The following PWWP2A variants were observed in gnomAD, a reference collection of about 807,000 sequenced individuals.
PWWP2A encodes the protein PWWP domain containing 2A.
In PWWP2A, 18 loss-of-function variants were observed where a neutral mutation model predicts 48.5. The observed-to-expected ratio is 0.37, with a 90% CI of 0.26 to 0.55. The LOEUF is 0.55. Among genes scored for constraint, PWWP2A ranks in the 20% least tolerant of loss-of-function variants. The pLI, the probability that PWWP2A is intolerant of heterozygous loss-of-function variation, is 0.81. For missense variants in PWWP2A, 867 were observed against 976.4 expected (o/e 0.89, Z 1.49); for synonymous variants, 396 against 387.7 (o/e 1.02, Z -0.25).
chr5:160,073,836 G>A (rs991672339), downstream of PWWP2A, among the ~76,000 whole-genome samples: 11 of 151,410 alleles, frequency 7.3e-5, no homozygotes, highest in African/African-American at 2.7e-4. Context: ...AGGTCAAAGC[G>A]GGTGGATCAC....
intron 1 of PWWP2A, among the ~76,000 whole-genome samples, chr5:160,114,252 C>G (rs1207223525): frequency 6.6e-6 from 1 of 152,122 alleles, no homozygotes; most frequent in African/African-American, 2.4e-5. Flanking sequence ...GAGTTCAGAC[C>G]TGGCGCGGTG....
intron 1 of PWWP2A, among the ~76,000 whole-genome samples, chr5:160,113,629 C>T (rs1444843729): frequency 6.6e-6 from 1 of 152,230 alleles, no homozygotes; most frequent in Admixed American, 6.5e-5. Context: ...ACTAAAACTT[C>T]AGAGCTTACT....
chr5:160,112,126 CAAAAAAAAA>C lies in PWWP2A; in HGVS notation c.584+6670_584+6678del, dbSNP rs11480893. Among the ~76,000 whole-genome samples the C allele has an allele frequency of 5.5e-5, 5 of 90,880 alleles. No individual in the cohort carries two copies. In the East Asian group the frequency reaches 1.2e-3, roughly 22 times the overall value. 59.6% of individuals were successfully genotyped at this position (90,880 alleles called of 152,430 possible). A position where few individuals can be genotyped will look rare whatever the true frequency, so the allele number is the denominator to read the frequency against. ...TGGGTGACAGAGCAAGACCCTTTCT[CAAAAAAAAA>C]AAAAAAAAAAGGAAAAAAAGAAAAA... On this transcript the variant is annotated intron_variant, in intron 1 of 1. Coordinates refer to ENST00000307063, the MANE Select transcript of PWWP2A (RefSeq NM_001130864.2).
At chr5:160,062,701 G>A (rs1043743110) in intron 5 of PWWP2A, among the ~76,000 whole-genome samples, 3 of 152,160 alleles carry the variant, frequency 2.0e-5, no homozygotes, top group Non-Finnish European at 4.4e-5. Flanking sequence ...CCCTCCTCAG[G>A]AGTCTGATGT....
rs368647457 is a variant in PWWP2A at position 160,078,234 on chromosome 5, T to C, written c.1670-66A>G. On this transcript the variant is annotated intron_variant, in intron 3 of 3. Transcript: ENST00000456329. This position sits in a 1 kb window ranked among gnomAD's most constrained non-coding sequence, Gnocchi z 4.2. ...ACAAGTAATTATATGAGGAAAATGA[T>C]GTCCTTGTTGTTTAAGCCCTACATA... is the stretch of plus-strand genomic sequence containing the variant. The C allele has an allele frequency of 3.1e-6, 4 of 1,277,546 alleles. No individual in the cohort carries two copies. The South Asian group carries it at 3.8e-5, about 12-fold the overall frequency. The allele number at this position is 1,277,546 out of a possible 1,614,324, so 79.1% of individuals were successfully genotyped here. A position where few individuals can be genotyped will look rare whatever the true frequency, so the allele number is the denominator to read the frequency against.
chr5:160,049,375 T>C, the PWWP2A span: 2 of 738,670 alleles, frequency 2.7e-6, no homozygotes, highest in African/African-American at 1.8e-5. Context: ...AGAAAAAGTT[T>C]TCCAGCATCA....
chr5:160,053,934 T>A, the PWWP2A span, among the ~76,000 whole-genome samples: 1 of 152,192 alleles, frequency 6.6e-6, no homozygotes, highest in African/African-American at 2.4e-5. Flanking sequence ...TAGCCCATCA[T>A]TTATAATCTT....
Position 160,094,051 on chromosome 5 carries a change from C to T in PWWP2A, c.599G>A (p.Gly200Asp). The T allele has an allele frequency of 6.2e-7, 1 of 1,606,028 alleles. No homozygotes were observed. The highest frequency in any genetic ancestry group is 8.5e-7 in the Non-Finnish European group (1 of 1,174,274). Reference sequence around the variant, plus strand: ...TTTGGGAAATACTGTCACAGGGATACCATGGGGCCCAAACCTTTGAAAGAA... The same window carrying T: ...TTTGGGAAATACTGTCACAGGGATATCATGGGGCCCAAACCTTTGAAAGAA... ...MDLSKRFGPH[G>D]IPVTVFPKRE... Residue 200 changes from glycine to aspartate, a missense_variant, in exon 2 of 2, where the codon GGT (glycine) becomes GAT (aspartate). This residue lies in a region of PWWP2A where 385 missense variants were observed against 396.9 expected (regional missense o/e 0.97). Coordinates refer to ENST00000307063, the MANE Select transcript of PWWP2A (RefSeq NM_001130864.2).
At chr5:160,081,320 C>A (rs1226255376) in intron 2 of PWWP2A, among the ~76,000 whole-genome samples, 11 of 147,794 alleles carry the variant, frequency 7.4e-5, no homozygotes, top group African/African-American at 2.8e-4. Flanking sequence ...CTCACTGCAA[C>A]CTCCTCCTCC....
intron 1 of PWWP2A, among the ~76,000 whole-genome samples, chr5:160,097,987 T>C (rs546901091): frequency 1.3e-5 from 2 of 152,308 alleles, no homozygotes; most frequent in Non-Finnish European, 2.9e-5. Context: ...GTGCTGGGAT[T>C]ACAGGCGTGA....
rs1448620664 is a variant in PWWP2A at position 160,109,771 on chromosome 5, AAAAATATATATATAT to A, written c.584+9019_584+9033del. Reference sequence around the variant, plus strand: ...GATGCAACTGGGAAAAAAAAAAAAAAAAAATATATATATATATATATATATATATATATATATAAA... The same window carrying A: ...GATGCAACTGGGAAAAAAAAAAAAAAATATATATATATATATATATATAAA... On this transcript the variant is annotated intron_variant, in intron 1 of 1. Transcript: ENST00000307063. 2.1e-3 allele frequency among the ~76,000 whole-genome samples: 94 copies of A among 44,998 alleles called. 1 individual carries two copies. Among genetic ancestry groups the A allele is most frequent in the African/African-American group, 7.5e-3 (85 of 11,372 alleles). The allele number at this position is 44,998 out of a possible 152,430, so 29.5% of individuals were successfully genotyped here. A position where few individuals can be genotyped will look rare whatever the true frequency, so the allele number is the denominator to read the frequency against.
chr5:160,085,493 A>G (rs988908329), intron 2 of PWWP2A, among the ~76,000 whole-genome samples: 3 of 148,246 alleles, frequency 2.0e-5, no homozygotes, highest in South Asian at 2.1e-4. Flanking sequence ...ATAAGCAAGT[A>G]ACTGTCACAT....
chr5:160,044,582 TGTCTTTTA>T, the PWWP2A span, among the ~76,000 whole-genome samples: 1 of 152,200 alleles, frequency 6.6e-6, no homozygotes, highest in Non-Finnish European at 1.5e-5. Context: ...CTGGTGGGGA[TGTCTTTTA>T]GCATGTTAAT....
intron 2 of PWWP2A, among the ~76,000 whole-genome samples, chr5:160,070,288 C>T (rs907459463): frequency 6.6e-6 from 1 of 152,014 alleles, no homozygotes; most frequent in Non-Finnish European, 1.5e-5. Flanking sequence ...AGTCAACATA[C>T]TAAGACCCCA....
chr5:160,101,547 T>C (rs1462282332), intron 1 of PWWP2A, among the ~76,000 whole-genome samples: 1 of 152,166 alleles, frequency 6.6e-6, no homozygotes, highest in East Asian at 1.9e-4. Context: ...TAAAAACTAT[T>C]GAATTTTAGT....
chr5:160,106,132 G>A (rs1756872017), intron 1 of PWWP2A, among the ~76,000 whole-genome samples: 1 of 152,148 alleles, frequency 6.6e-6, no homozygotes, highest in Non-Finnish European at 1.5e-5. Context: ...ATTTCTAACT[G>A]CCAGGTTAAC....
intron 1 of PWWP2A, among the ~76,000 whole-genome samples, chr5:160,099,147 C>T (rs559776854): frequency 1.4e-4 from 22 of 152,284 alleles, no homozygotes; most frequent in Middle Eastern, 3.4e-3. Flanking sequence ...AAGACATTTA[C>T]GTCTCATGTG....
chr5:160,118,937 G>T lies in PWWP2A; in HGVS notation c.452C>A (p.Ser151Tyr). The change falls in exon 1 of 2, where the codon TCC (serine) becomes TAC (tyrosine). Residue 151 changes from serine (S) to tyrosine (Y), a missense_variant. Physicochemically the swap from Ser to Tyr is moderately radical, Grantham distance 144. This residue lies in a region of PWWP2A where 385 missense variants were observed against 396.9 expected (regional missense o/e 0.97). Transcript: ENST00000307063. ...PALVPPAGGD[S>Y]TVSQLIPGSE... ...GCCCGGGATCAGTTGCGACACCGTGGAGTCCCCGCCCGCCGGCGGCACGAG... is the reference window on the plus strand; with the variant it reads ...GCCCGGGATCAGTTGCGACACCGTGTAGTCCCCGCCCGCCGGCGGCACGAG... 1 of 1,599,148 alleles carries T rather than the reference G, an allele frequency of 6.3e-7. No homozygotes were observed. The highest frequency in any genetic ancestry group is 2.3e-5 in the East Asian group (1 of 43,398).
chr5:160,102,397 C>CAAAAAAAAAAAA, intron 1 of PWWP2A, among the ~76,000 whole-genome samples: 1 of 64,230 alleles, frequency 1.6e-5, no homozygotes, highest in African/African-American at 6.5e-5. Flanking sequence ...GACTCCATCT[C>CAAAAAAAAAAAA]AAAAAAAAAA....
Sources: allele counts gnomAD v4.1 joint callset (sites outside exome capture counted in the v4.1 genomes callset), GRCh38; gene constraint gnomAD v4.1.1; regional missense constraint gnomAD v4.1.1; non-coding constraint Gnocchi (gnomAD v3.1); transcripts MANE v1.5; gene names NCBI Gene and HGNC (gene_info 2026-07-23, HGNC 2026-07-21).